Variants in SMG6 observed in about 807,000 individuals in gnomAD.
SMG6 encodes the protein telomerase-binding protein EST1A.
Under a neutral mutation model 142.2 loss-of-function variants are expected in SMG6, and 66 were observed. That is an observed-to-expected ratio of 0.46 (90% CI 0.38 to 0.57). The LOEUF is 0.57. SMG6 is among the 20% of genes least tolerant of loss of function. The probability of loss-of-function intolerance (pLI) is 0.00; values close to 1 mark genes in which losing one functional copy is unlikely to be tolerated. For synonymous variants in SMG6, 779 were observed against 702.4 expected, an observed-to-expected ratio of 1.11 and a Z score of -1.72; for missense variants, 1,793 against 1,832.0, an observed-to-expected ratio of 0.98 and a Z score of 0.39.
At chr17:2,241,832 T>G (rs1239627250) in intron 9 of SMG6, among the ~76,000 whole-genome samples, 2 of 152,234 alleles carry the variant, frequency 1.3e-5, no homozygotes, top group African/African-American at 4.8e-5. Flanking sequence ...ATCCTAAATG[T>G]TCCTACATTC....
intron 10 of SMG6, 45 bp from the exon 11 acceptor site, chr17:2,188,560 A>G: frequency 6.5e-7 from 1 of 1,545,364 alleles, no homozygotes; most frequent in Non-Finnish European, 8.9e-7. Context: ...GGCGGACAAG[A>G]TGCACATCAC....
chr17:2,299,094 C>T lies in SMG6; in HGVS notation c.1659G>A (p.Gln553=), dbSNP rs766076562. 3 of 1,614,190 alleles carry T rather than the reference C, an allele frequency of 1.9e-6. No individual in the cohort carries two copies. Among genetic ancestry groups the T allele is most frequent in the East Asian group, 2.2e-5 (1 of 44,880 alleles). ...TGGTAGGTAGAGGGCTACACACATA[C>T]TGTCCTGACGGAGTCGGGTAGCCTG... ...YYPGYPTPSG[Q]YVCSPLPTST... is the part of the protein sequence containing the mutation. The change falls in exon 2 of 19, where the codon CAG becomes CAA. Residue 553 remains glutamine (Q), a synonymous_variant. Coordinates refer to ENST00000263073, the MANE Select transcript of SMG6 (RefSeq NM_017575.5). The surrounding 1 kb of genome is among the most constrained non-coding windows in gnomAD (Gnocchi z 4.3).
chr17:2,201,823 A>C (rs2072533744), intron 10 of SMG6, among the ~76,000 whole-genome samples: 1 of 152,078 alleles, frequency 6.6e-6, no homozygotes, highest in African/African-American at 2.4e-5. Context: ...CAGGAGTTCG[A>C]GACTAGCCTG....
intron 13 of SMG6, among the ~76,000 whole-genome samples, chr17:2,120,764 T>C (rs1255248267): frequency 6.6e-6 from 1 of 152,098 alleles, no homozygotes; most frequent in Non-Finnish European, 1.5e-5. Context: ...ATCAGGGAGA[T>C]ACAAATTAAA....
At chr17:2,227,563 G>A (rs373241921) in intron 10 of SMG6, among the ~76,000 whole-genome samples, 2 of 152,162 alleles carry the variant, frequency 1.3e-5, no homozygotes, top group Non-Finnish European at 2.9e-5. Context: ...ATAAGCAGTC[G>A]CCTAGGGCAA....
At chr17:2,292,506 G>C in intron 6 of SMG6, 46 bp downstream of exon 6, 1 of 1,569,362 alleles carries the variant, frequency 6.4e-7, no homozygotes. Context: ...CATATTGTAA[G>C]ATACTTCCTG....
At chr17:2,065,207 G>T in intron 17 of SMG6, 53 bp from the exon 18 acceptor site, 1 of 1,385,400 alleles carries the variant, frequency 7.2e-7, no homozygotes, top group South Asian at 1.2e-5. Flanking sequence ...GGCGCCATGT[G>T]GAGGAGGAGG....
At chr17:2,213,798 G>C (rs538123155) in intron 10 of SMG6, 1 of 152,322 alleles carries the variant, frequency 6.6e-6, no homozygotes, top group East Asian at 1.9e-4. Flanking sequence ...ACCCCACTCT[G>C]ATTTCGGCTC....
intron 10 of SMG6, among the ~76,000 whole-genome samples, chr17:2,200,353 G>A (rs1389059770): frequency 2.0e-5 from 3 of 152,018 alleles, no homozygotes; most frequent in Admixed American, 1.3e-4. Flanking sequence ...TTTAAGCCCT[G>A]TATTCCTTAT....
At chr17:2,268,813 G>A (rs1324046429) in intron 8 of SMG6, among the ~76,000 whole-genome samples, 2 of 151,656 alleles carry the variant, frequency 1.3e-5, no homozygotes, top group Admixed American at 6.6e-5. Flanking sequence ...TTGGGAGGCT[G>A]AGGCAGGAGA....
chr17:2,152,048 C>A (rs1355493453), intron 13 of SMG6, among the ~76,000 whole-genome samples: 3 of 152,208 alleles, frequency 2.0e-5, no homozygotes, highest in African/African-American at 7.2e-5. Context: ...ATACTACGGG[C>A]AAGAAGCTGG....
chr17:2,101,789 G>T (rs1406013616), intron 13 of SMG6: 2 of 152,242 alleles, frequency 1.3e-5, no homozygotes, highest in Admixed American at 6.5e-5. Flanking sequence ...GATTATAGAG[G>T]TGAGGAAATT....
chr17:2,275,469 C>A (rs985714456), intron 8 of SMG6, among the ~76,000 whole-genome samples: 1 of 152,026 alleles, frequency 6.6e-6, no homozygotes, highest in Non-Finnish European at 1.5e-5. Context: ...CATCTATCAA[C>A]CACTCCCAAT....
At chr17:2,097,928 T>C (rs1344920060) in intron 13 of SMG6, among the ~76,000 whole-genome samples, 1 of 152,176 alleles carries the variant, frequency 6.6e-6, no homozygotes, top group African/African-American at 2.4e-5. Flanking sequence ...ATAATAGACT[T>C]AACAGCATTA....
At chr17:2,115,851 C>T (rs933772962) in intron 13 of SMG6, among the ~76,000 whole-genome samples, 1 of 152,096 alleles carries the variant, frequency 6.6e-6, no homozygotes, top group Non-Finnish European at 1.5e-5. Context: ...AGTAGCTAAG[C>T]GTGTACCACC....
intron 13 of SMG6, among the ~76,000 whole-genome samples, chr17:2,102,871 TGTAA>T (rs2069049698): frequency 6.6e-6 from 1 of 152,302 alleles, no homozygotes. Context: ...AGATTCTACA[TGTAA>T]GTGAGAACAT....
chr17:2,297,926 G>T lies in SMG6; in HGVS notation c.1977C>A (p.Val659=), dbSNP rs2075179719. 3.1e-6 allele frequency: 5 copies of T among 1,613,190 alleles called. No homozygotes were observed. In the East Asian group the frequency reaches 1.1e-4, roughly 36 times the overall value. ...YQVIEKFRQL[V]KDPNVENPEQ... is the part of the protein sequence containing the mutation. Reference sequence around the variant, plus strand: ...CTGGGTTCTCAACATTCGGATCCTTGACAAGTTGCCTGAACTTCTCAATCA... The same window carrying T: ...CTGGGTTCTCAACATTCGGATCCTTTACAAGTTGCCTGAACTTCTCAATCA... The change falls in exon 3 of 19, where the codon GTC becomes GTA. Residue 659 remains valine, a synonymous_variant. Coordinates refer to ENST00000263073, the MANE Select transcript of SMG6 (RefSeq NM_017575.5).
At chr17:2,134,844 G>A (rs902167001) in intron 13 of SMG6, among the ~76,000 whole-genome samples, 2 of 151,322 alleles carry the variant, frequency 1.3e-5, no homozygotes, top group African/African-American at 4.9e-5. Context: ...TATCCTCCCT[G>A]TCATCATCCC....
At chr17:2,100,151 C>T (rs2068966653) in intron 13 of SMG6, among the ~76,000 whole-genome samples, 1 of 151,874 alleles carries the variant, frequency 6.6e-6, no homozygotes, top group African/African-American at 2.4e-5. Flanking sequence ...AATTCTTCTG[C>T]CTCAGCCTCC....
Sources: allele counts gnomAD v4.1 joint callset (sites outside exome capture counted in the v4.1 genomes callset), GRCh38; gene constraint gnomAD v4.1.1; non-coding constraint Gnocchi (gnomAD v3.1); transcripts MANE v1.5; gene names NCBI Gene and HGNC (gene_info 2026-07-23, HGNC 2026-07-21).